ZNF609: variants seen among roughly 807,000 people sequenced by gnomAD.
ZNF609 encodes the protein zinc finger protein 609.
In ZNF609, 11 loss-of-function variants were observed where a neutral mutation model predicts 109.5. That is an observed-to-expected ratio of 0.10 (90% CI 0.06 to 0.17). The LOEUF (loss-of-function observed/expected upper bound fraction) is 0.17, where lower values mean the gene tolerates loss of function less well. ZNF609 is among the 10% of genes least tolerant of loss of function. The probability of loss-of-function intolerance (pLI) is 1.00; values close to 1 mark genes in which losing one functional copy is unlikely to be tolerated. For synonymous variants in ZNF609, 646 were observed against 662.0 expected, an observed-to-expected ratio of 0.98 and a Z score of 0.37; for missense variants, 1,559 against 1,772.4, an observed-to-expected ratio of 0.88 and a Z score of 2.16.
chr15:64,674,923 C>T lies in ZNF609; in HGVS notation c.2069C>T (p.Thr690Ile). The T allele has an allele frequency of 6.2e-7, 1 of 1,614,058 alleles. No homozygotes were observed. The highest frequency in any genetic ancestry group is 8.5e-7 in the Non-Finnish European group (1 of 1,180,040). The part of the protein sequence containing the change: ...SPGSSSGLTA[T>I]VAQAMPNSPQ... ...GGCTCTTCCTCAGGCTTGACCGCCACAGTGGCACAAGCCATGCCCAACAGT... is the reference window on the plus strand; with the variant it reads ...GGCTCTTCCTCAGGCTTGACCGCCATAGTGGCACAAGCCATGCCCAACAGT... The change falls in exon 5 of 10, where the codon ACA becomes ATA. Residue 690 changes from threonine to isoleucine, a missense_variant. Coordinates refer to ENST00000326648, the MANE Select transcript of ZNF609 (RefSeq NM_015042.2).
At chr15:64,593,742 C>T (rs1942787781) in intron 2 of ZNF609, among the ~76,000 whole-genome samples, 1 of 152,144 alleles carries the variant, frequency 6.6e-6, no homozygotes, top group African/African-American at 2.4e-5. Context: ...GTTGCCCAGG[C>T]TGGTCTCAAA....
chr15:64,675,493 T>G lies in ZNF609; in HGVS notation c.2639T>G (p.Phe880Cys). 6.2e-7 allele frequency: 1 copy of G among 1,614,186 alleles called. No individual in the cohort carries two copies. The highest frequency in any genetic ancestry group is 8.5e-7 in the Non-Finnish European group (1 of 1,180,040). Residue 880 changes from phenylalanine (F) to cysteine (C), a missense_variant, in exon 5 of 10, where the codon TTT becomes TGT. By Grantham distance (205) the Phe-to-Cys change is radical (BLOSUM62 -2). This residue lies in a region of ZNF609 where 1,204 missense variants were observed against 1,314.1 expected (regional missense o/e 0.92). Transcript: ENST00000326648. ...AAAGAAGGGGCTAAGAAAACTCTTT[T>G]TCCCCCTCAGCCTCAGAGCAAAGAC... ...LVKEGAKKTL[F>C]PPQPQSKDSP...
intron 2 of ZNF609, among the ~76,000 whole-genome samples, chr15:64,602,231 A>G (rs928180353): frequency 6.6e-6 from 1 of 151,992 alleles, no homozygotes; most frequent in Non-Finnish European, 1.5e-5. Flanking sequence ...TTTAAACTTC[A>G]TTTCCCCTTG....
At chr15:64,470,363 A>T (rs190989788) in intron 1 of ZNF609, 1 of 151,498 alleles carries the variant, frequency 6.6e-6, no homozygotes, top group African/African-American at 2.4e-5. Flanking sequence ...CGTTATTTTT[A>T]ATGCTGAAAA....
intron 1 of ZNF609, among the ~76,000 whole-genome samples, chr15:64,485,156 G>C (rs908342972): frequency 6.6e-6 from 1 of 152,088 alleles, no homozygotes; most frequent in Non-Finnish European, 1.5e-5. Flanking sequence ...TGTGTATTCT[G>C]TTGACCCCGA....
intron 1 of ZNF609, among the ~76,000 whole-genome samples, chr15:64,475,713 T>C (rs1893160297): frequency 6.6e-6 from 1 of 152,152 alleles, no homozygotes; most frequent in South Asian, 2.1e-4. Flanking sequence ...TTAACTGTAA[T>C]TATTTGTGAA....
chr15:64,542,416 A>G (rs1894280145), intron 2 of ZNF609, among the ~76,000 whole-genome samples: 1 of 152,196 alleles, frequency 6.6e-6, no homozygotes, highest in Non-Finnish European at 1.5e-5. Context: ...TTCCTTCCTG[A>G]CTTAAGATTT....
At chr15:64,536,869 C>T (rs969971860) in intron 2 of ZNF609, among the ~76,000 whole-genome samples, 1 of 145,718 alleles carries the variant, frequency 6.9e-6, no homozygotes, top group Non-Finnish European at 1.5e-5. Flanking sequence ...GGAATTGTGC[C>T]ACTGCACTCC....
intron 3 of ZNF609, among the ~76,000 whole-genome samples, chr15:64,647,041 C>T (rs1164012622): frequency 2.7e-5 from 4 of 150,176 alleles, no homozygotes; most frequent in African/African-American, 4.9e-5. Flanking sequence ...TTACTTAGTA[C>T]TCCCAGCTAC....
intron 1 of ZNF609, among the ~76,000 whole-genome samples, chr15:64,494,023 C>A (rs553047618): frequency 1.6e-4 from 25 of 152,240 alleles, no homozygotes; most frequent in African/African-American, 5.8e-4. Flanking sequence ...TACTATGAAG[C>A]CTGCTGGGTT....
chr15:64,481,556 G>A (rs1236106986), intron 1 of ZNF609, among the ~76,000 whole-genome samples: 2 of 151,910 alleles, frequency 1.3e-5, no homozygotes, highest in African/African-American at 2.4e-5. Context: ...CCGACCTCAG[G>A]TGATCCGCCT....
intron 2 of ZNF609, among the ~76,000 whole-genome samples, chr15:64,578,689 C>G (rs962171164): frequency 1.3e-5 from 2 of 152,074 alleles, no homozygotes; most frequent in Non-Finnish European, 2.9e-5. Context: ...AAGACTCTGT[C>G]TCAAAAAACA....
At chr15:64,507,475 G>A (rs1381020814) in intron 2 of ZNF609, among the ~76,000 whole-genome samples, 3 of 152,180 alleles carry the variant, frequency 2.0e-5, no homozygotes, top group Non-Finnish European at 4.4e-5. Flanking sequence ...CAGAGCTGCT[G>A]ACAGGGCTGT....
At chr15:64,557,801 G>C (rs987119171) in intron 2 of ZNF609, among the ~76,000 whole-genome samples, 3 of 151,962 alleles carry the variant, frequency 2.0e-5, no homozygotes, top group African/African-American at 4.8e-5. Flanking sequence ...GGTTCACGCC[G>C]TTCTCCTGCC....
At chr15:64,510,127 G>A (rs542875956) in intron 2 of ZNF609, among the ~76,000 whole-genome samples, 2 of 151,668 alleles carry the variant, frequency 1.3e-5, no homozygotes, top group East Asian at 3.9e-4. Context: ...GGTGAGTACA[G>A]TACAATATTT....
intron 3 of ZNF609, chr15:64,631,148 A>G: frequency 1.7e-6 from 1 of 593,664 alleles, no homozygotes; most frequent in Non-Finnish European, 3.2e-6. Context: ...CCAGCAGTTC[A>G]GGCTCCTTCC....
chr15:64,462,107 C>T (rs1413095757), intron 1 of ZNF609, among the ~76,000 whole-genome samples: 1 of 152,200 alleles, frequency 6.6e-6, no homozygotes, highest in African/African-American at 2.4e-5. Flanking sequence ...GCTCCATCTC[C>T]CAGGCTCCTC....
intron 1 of ZNF609, among the ~76,000 whole-genome samples, chr15:64,478,562 G>C (rs939080224): frequency 6.6e-6 from 1 of 151,962 alleles, no homozygotes; most frequent in East Asian, 1.9e-4. Context: ...GTTTTTAGTA[G>C]AGACAGGGTT....
intron 1 of ZNF609, among the ~76,000 whole-genome samples, chr15:64,476,302 A>AG (rs397770072): frequency 2.6e-5 from 4 of 151,490 alleles, no homozygotes; most frequent in Non-Finnish European, 5.9e-5. Context: ...AAAAAAAAAA[A>AG]TCAACCTCAT....
Sources: gnomAD v4.1 joint callset for allele counts (sites outside exome capture counted in the v4.1 genomes callset) on GRCh38, gnomAD v4.1.1 for gene constraint, gnomAD v4.1.1 regional missense constraint, MANE v1.5 for transcripts, NCBI Gene and HGNC (gene_info 2026-07-23, HGNC 2026-07-21) for gene names.